The following CTTNBP2NL variants were observed in gnomAD, a reference collection of about 807,000 sequenced individuals.
CTTNBP2NL encodes CTTNBP2 N-terminal like, also known as CTTNBP2 N-terminal-like protein.
A neutral mutation model predicts 32.5 loss-of-function variants in CTTNBP2NL; 16 were observed. That is an observed-to-expected ratio of 0.49 (90% CI 0.33 to 0.75). CTTNBP2NL has a LOEUF of 0.75. CTTNBP2NL is among the 30% of genes least tolerant of loss of function. CTTNBP2NL has a pLI of 0.02. For missense variants in CTTNBP2NL, 645 were observed against 756.0 expected (o/e 0.85, Z 1.72); for synonymous variants, 298 against 289.4 (o/e 1.03, Z -0.30).
upstream of CTTNBP2NL, among the ~76,000 whole-genome samples, chr1:112,394,785 T>G (rs1648269579): frequency 6.6e-6 from 1 of 152,224 alleles, no homozygotes; most frequent in Admixed American, 6.5e-5. Flanking sequence ...GAATATGGCA[T>G]AAGTATGGAG....
intron 1 of CTTNBP2NL, among the ~76,000 whole-genome samples, chr1:112,403,759 C>T (rs974660482): frequency 6.6e-6 from 1 of 152,170 alleles, no homozygotes; most frequent in African/African-American, 2.4e-5. Context: ...CTTTTCTTTT[C>T]CCAAGTATTG....
intron 3 of CTTNBP2NL, among the ~76,000 whole-genome samples, chr1:112,446,285 G>C (rs1250082483): frequency 2.0e-5 from 3 of 151,404 alleles, no homozygotes; most frequent in Non-Finnish European, 2.9e-5. Context: ...AGGATCACTT[G>C]AGCCCAGGAG....
chr1:112,435,613 G>T (rs915034383), intron 3 of CTTNBP2NL, among the ~76,000 whole-genome samples: 4 of 152,038 alleles, frequency 2.6e-5, no homozygotes, highest in African/African-American at 9.7e-5. Context: ...ATCTTACCCC[G>T]TACTAAGAAG....
chr1:112,453,856 A>G (rs1650292666), intron 4 of CTTNBP2NL, among the ~76,000 whole-genome samples: 1 of 152,220 alleles, frequency 6.6e-6, no homozygotes, highest in African/African-American at 2.4e-5. Flanking sequence ...GGCGTATGAA[A>G]AATCTCCATT....
intron 2 of CTTNBP2NL, chr1:112,414,731 C>G (rs1171878821): frequency 6.6e-6 from 1 of 152,190 alleles, no homozygotes; most frequent in African/African-American, 2.4e-5. Context: ...GTACAGCAGT[C>G]TAACTTGTAT....
At chr1:112,435,355 C>A (rs945261924) in intron 3 of CTTNBP2NL, among the ~76,000 whole-genome samples, 1 of 151,918 alleles carries the variant, frequency 6.6e-6, no homozygotes, top group African/African-American at 2.4e-5. Flanking sequence ...GTAAGCTCCT[C>A]AGGGGGCAGG....
chr1:112,424,313 C>T (rs1315825863), intron 3 of CTTNBP2NL, among the ~76,000 whole-genome samples: 4 of 152,126 alleles, frequency 2.6e-5, no homozygotes, highest in African/African-American at 9.7e-5. Context: ...GGTCTTTGCA[C>T]CTTTGTCAGT....
chr1:112,457,623 AG>A lies in CTTNBP2NL; in HGVS notation c.*213del, dbSNP rs1650410971. ...TCACATCTTTTTACTGAAGCCAGAA[AG>A]GCACCTCAAAGATGTCTCAAGCTCA... is the stretch of plus-strand genomic sequence containing the variant. On this transcript the variant is annotated 3_prime_UTR_variant, in exon 6 of 6. Coordinates refer to ENST00000271277, the MANE Select transcript of CTTNBP2NL (RefSeq NM_018704.3). 14 of 510,844 alleles carry A rather than the reference AG, an allele frequency of 2.7e-5. No homozygotes were observed. In the East Asian group the frequency reaches 4.5e-4, roughly 16 times the overall value. 31.6% of individuals were successfully genotyped at this position (510,844 alleles called of 1,614,324 possible). A position where few individuals can be genotyped will look rare whatever the true frequency, so the allele number is the denominator to read the frequency against.
intron 3 of CTTNBP2NL, among the ~76,000 whole-genome samples, chr1:112,432,411 A>T (rs911527734): frequency 6.6e-6 from 1 of 152,174 alleles, no homozygotes; most frequent in African/African-American, 2.4e-5. Context: ...GAATTAAAAT[A>T]AAAATTTTGT....
intron 4 of CTTNBP2NL, among the ~76,000 whole-genome samples, chr1:112,452,335 C>CTTTTTTTT (rs1157736195): frequency 1.5e-5 from 1 of 65,688 alleles, no homozygotes; most frequent in Non-Finnish European, 2.8e-5. Context: ...CCAGTCTCTT[C>CTTTTTTTT]TTTTTTTTTT....
intron 3 of CTTNBP2NL, among the ~76,000 whole-genome samples, chr1:112,435,802 G>A (rs1044970920): frequency 1.3e-5 from 2 of 152,016 alleles, no homozygotes; most frequent in Non-Finnish European, 2.9e-5. Context: ...TTTAATCTTG[G>A]TATCCTTTCC....
upstream of CTTNBP2NL, among the ~76,000 whole-genome samples, chr1:112,393,649 C>T (rs1648236336): frequency 6.6e-6 from 1 of 152,188 alleles, no homozygotes; most frequent in Non-Finnish European, 1.5e-5. Context: ...CAAGCCCTGC[C>T]TGTTCCCTAC....
intron 3 of CTTNBP2NL, among the ~76,000 whole-genome samples, chr1:112,445,760 G>A (rs1344590646): frequency 6.6e-6 from 1 of 152,206 alleles, no homozygotes; most frequent in African/African-American, 2.4e-5. Context: ...GAAGCTCTTT[G>A]TCTATTACTC....
intron 3 of CTTNBP2NL, among the ~76,000 whole-genome samples, chr1:112,421,877 G>A (rs1252332158): frequency 6.6e-6 from 1 of 152,066 alleles, no homozygotes; most frequent in Non-Finnish European, 1.5e-5. Flanking sequence ...AGGAAATACA[G>A]GGATAATGCA....
chr1:112,415,858 G>C (rs1432563975), intron 2 of CTTNBP2NL: 3 of 310,894 alleles, frequency 9.6e-6, no homozygotes, highest in African/African-American at 4.6e-5. Flanking sequence ...CCCAGCCCTA[G>C]CGGCTAATTC....
intron 3 of CTTNBP2NL, among the ~76,000 whole-genome samples, chr1:112,438,967 C>G (rs1160209013): frequency 1.3e-5 from 2 of 152,170 alleles, no homozygotes; most frequent in Non-Finnish European, 2.9e-5. Context: ...TAATTTGAGT[C>G]CCAATCTATC....
chr1:112,427,620 G>T (rs1389893657), intron 3 of CTTNBP2NL, among the ~76,000 whole-genome samples: 1 of 152,200 alleles, frequency 6.6e-6, no homozygotes, highest in Non-Finnish European at 1.5e-5. Flanking sequence ...ATCCTGCTGG[G>T]TGTGGTGGCT....
chr1:112,437,590 C>T (rs1649773024), intron 3 of CTTNBP2NL, among the ~76,000 whole-genome samples: 1 of 152,174 alleles, frequency 6.6e-6, no homozygotes, highest in African/African-American at 2.4e-5. Context: ...GTGGTGCCAT[C>T]TTGGCTCACT....
At chr1:112,395,327 A>G (rs1255350295), upstream of CTTNBP2NL, among the ~76,000 whole-genome samples, 4 of 152,234 alleles carry the variant, frequency 2.6e-5, no homozygotes, top group East Asian at 7.7e-4. Context: ...GACCTTAGGT[A>G]GGGATACAAC....
Sources: gnomAD v4.1 joint callset for allele counts (sites outside exome capture counted in the v4.1 genomes callset) on GRCh38, gnomAD v4.1.1 for gene constraint, MANE v1.5 for transcripts, NCBI Gene and HGNC (gene_info 2026-07-23, HGNC 2026-07-21) for gene names.